MAPK9: variants seen among roughly 807,000 people sequenced by gnomAD.
The protein encoded by MAPK9 is Jun kinase.
Under a neutral mutation model 57.1 loss-of-function variants are expected in MAPK9, and 30 were observed. The observed-to-expected ratio is 0.53, with a 90% confidence interval of 0.39 to 0.71. The LOEUF (loss-of-function observed/expected upper bound fraction) is 0.71, where lower values mean the gene tolerates loss of function less well. Ranked by LOEUF, MAPK9 falls within the 30% of genes least tolerant of loss-of-function variation. The probability of loss-of-function intolerance (pLI) is 0.00; values close to 1 mark genes in which losing one functional copy is unlikely to be tolerated. For missense variants in MAPK9, 362 were observed against 521.0 expected, an observed-to-expected ratio of 0.69 and a Z score of 2.97; for synonymous variants, 155 against 177.0, an observed-to-expected ratio of 0.88 and a Z score of 0.99.
At chr5:180,279,086 T>A (rs929952058) in intron 2 of MAPK9, among the ~76,000 whole-genome samples, 10 of 151,656 alleles carry the variant, frequency 6.6e-5, no homozygotes, top group Admixed American at 4.6e-4. Context: ...GCCTCCCGAG[T>A]AGCTGGGACT....
intron 5 of MAPK9, 88 bp downstream of exon 5, chr5:180,261,596 A>C: frequency 8.0e-7 from 1 of 1,250,810 alleles, no homozygotes; most frequent in East Asian, 2.6e-5. Context: ...CAAGCCTAAC[A>C]ATTTTTTTTA....
chr5:180,254,514 A>G (rs11956696), intron 5 of MAPK9, among the ~76,000 whole-genome samples: 28,467 of 152,212 alleles, frequency 0.19, 3,193 homozygotes, highest in African/African-American at 0.31. Flanking sequence ...AGAGAAAAAG[A>G]ATAAAGAATG....
At chr5:180,280,024 G>A (rs1363474414) in intron 2 of MAPK9, 1 of 457,376 alleles carries the variant, frequency 2.2e-6, no homozygotes. Flanking sequence ...GCAAGGCACT[G>A]CAATGATGGC....
intron 5 of MAPK9, 39 bp from the exon 6 acceptor site, chr5:180,249,177 G>A: frequency 6.3e-7 from 1 of 1,577,530 alleles, no homozygotes; most frequent in South Asian, 1.2e-5. Flanking sequence ...AATGAATGAA[G>A]CATGCTAAAT....
At chr5:180,263,711 T>TC (rs1215543297) in intron 4 of MAPK9, among the ~76,000 whole-genome samples, 1 of 149,056 alleles carries the variant, frequency 6.7e-6, no homozygotes, top group East Asian at 2.0e-4. Flanking sequence ...AAATTCTTTT[T>TC]TTTTTTTTTT....
chr5:180,287,193 A>T (rs1762847093), intron 1 of MAPK9: 1 of 152,238 alleles, frequency 6.6e-6, no homozygotes, highest in Non-Finnish European at 1.5e-5. Flanking sequence ...ATGATGACAT[A>T]GTTTTGAATC....
At chr5:180,275,903 A>G (rs933446112) in intron 2 of MAPK9, among the ~76,000 whole-genome samples, 5 of 152,164 alleles carry the variant, frequency 3.3e-5, no homozygotes, top group African/African-American at 7.2e-5. Context: ...GCTACTTTCT[A>G]TATTTCATAA....
At chr5:180,291,272 C>T (rs1367537055) in intron 1 of MAPK9, among the ~76,000 whole-genome samples, 1 of 116,396 alleles carries the variant, frequency 8.6e-6, no homozygotes, top group Non-Finnish European at 1.6e-5. Flanking sequence ...ACCGAGTGTG[C>T]AATGACAAGG....
intron 1 of MAPK9, among the ~76,000 whole-genome samples, chr5:180,287,683 C>T (rs1364932326): frequency 2.6e-5 from 4 of 152,258 alleles, no homozygotes; most frequent in South Asian, 4.1e-4. Flanking sequence ...TGCTGGTCAA[C>T]ATTCACCCTC....
chr5:180,259,115 AC>A (rs1759629807), intron 5 of MAPK9, among the ~76,000 whole-genome samples: 1 of 152,174 alleles, frequency 6.6e-6, no homozygotes, highest in Non-Finnish European at 1.5e-5. Flanking sequence ...CCAGAGAGAA[AC>A]CCTTTGACTG....
chr5:180,247,630 G>T lies in MAPK9; in HGVS notation c.617-120C>A, dbSNP rs895812238. The stretch of plus-strand genomic sequence containing the variant: ...TGGAAAAATAAATTGCTAGCTAAGG[G>T]TGACATTTTACACAATATGAATGAT... On this transcript the variant is annotated intron_variant, in intron 6 of 11. Coordinates refer to ENST00000452135, the MANE Select transcript of MAPK9 (RefSeq NM_002752.5). The surrounding 1 kb of genome is among the most constrained non-coding windows in gnomAD (Gnocchi z 4.5). 2 of 1,018,254 alleles carry T rather than the reference G, an allele frequency of 2.0e-6. No individual in the cohort carries two copies. Among genetic ancestry groups the T allele is most frequent in the Non-Finnish European group, 3.0e-6 (2 of 665,326 alleles). 63.1% of individuals were successfully genotyped at this position (1,018,254 alleles called of 1,614,324 possible).
chr5:180,236,745 T>G (rs970691619), intron 11 of MAPK9: 3 of 417,446 alleles, frequency 7.2e-6, no homozygotes, highest in Non-Finnish European at 1.3e-5. Context: ...CCTTGCAAGA[T>G]TCTTCTTTTT....
intron 1 of MAPK9, among the ~76,000 whole-genome samples, chr5:180,286,209 G>GCC: frequency 7.9e-6 from 1 of 126,866 alleles, no homozygotes; most frequent in African/African-American, 3.1e-5. Context: ...GCAGTGGCAT[G>GCC]ATCTCGGCTC....
chr5:180,253,164 T>C (rs1758890248), intron 5 of MAPK9, among the ~76,000 whole-genome samples: 1 of 152,170 alleles, frequency 6.6e-6, no homozygotes, highest in South Asian at 2.1e-4. Context: ...CCCGTTCCTG[T>C]GTGACACCGG....
intron 2 of MAPK9, among the ~76,000 whole-genome samples, chr5:180,279,625 C>T (rs961362518): frequency 5.3e-5 from 8 of 151,636 alleles, no homozygotes; most frequent in Non-Finnish European, 7.4e-5. Context: ...TGTAAACACG[C>T]GATGTTTAAC....
chr5:180,268,644 G>A (rs974758355), intron 3 of MAPK9, among the ~76,000 whole-genome samples: 27 of 152,226 alleles, frequency 1.8e-4, no homozygotes, highest in African/African-American at 2.6e-4. Context: ...CGGCTAACGC[G>A]GTGAAACCCT....
chr5:180,246,321 CAAATA>C (rs2127580373), intron 7 of MAPK9: 1 of 151,744 alleles, frequency 6.6e-6, no homozygotes, highest in Non-Finnish European at 1.5e-5. Flanking sequence ...TTTAGTAGAA[CAAATA>C]AAATAACTTG....
intron 5 of MAPK9, among the ~76,000 whole-genome samples, chr5:180,261,431 A>G (rs1237324651): frequency 6.6e-6 from 1 of 152,268 alleles, no homozygotes; most frequent in Admixed American, 6.5e-5. Context: ...GAAAAGTTTA[A>G]AACAATGTAT....
At chr5:180,265,621 T>C (rs754099273) in intron 3 of MAPK9, among the ~76,000 whole-genome samples, 2 of 152,336 alleles carry the variant, frequency 1.3e-5, no homozygotes, top group South Asian at 2.1e-4. Flanking sequence ...TATGAGTTAT[T>C]TAAACCGCTT....
Sources: allele counts gnomAD v4.1 joint callset (sites outside exome capture counted in the v4.1 genomes callset), GRCh38; gene constraint gnomAD v4.1.1; non-coding constraint Gnocchi (gnomAD v3.1); transcripts MANE v1.5; gene names NCBI Gene and HGNC (gene_info 2026-07-23, HGNC 2026-07-21).